SEM1: variants seen among roughly 807,000 people sequenced by gnomAD.
SEM1 encodes the protein SEM1 26S proteasome subunit.
In SEM1, 3 loss-of-function variants were observed where a neutral mutation model predicts 12.7. That is an observed-to-expected ratio of 0.24 (90% confidence interval 0.11 to 0.61). The LOEUF (loss-of-function observed/expected upper bound fraction) is 0.61, where lower values mean the gene tolerates loss of function less well. Ranked by LOEUF, SEM1 falls within the 20% of genes least tolerant of loss-of-function variation. The probability of loss-of-function intolerance (pLI) is 0.88; values close to 1 mark genes in which losing one functional copy is unlikely to be tolerated. For synonymous variants in SEM1, 30 were observed against 27.8 expected, an observed-to-expected ratio of 1.08 and a Z score of -0.25; for missense variants, 59 against 81.3, an observed-to-expected ratio of 0.73 and a Z score of 1.06.
In SEM1 at chr7:96,709,767, G is replaced by A. The variant is rs1246082679; in HGVS notation, c.-4C>T. On this transcript the variant is annotated 5_prime_UTR_variant, in exon 1 of 3. Coordinates refer to ENST00000248566, the MANE Select transcript of SEM1 (RefSeq NM_006304.2). ...CCGGCTGCTTTTTCTCTGACATCTCGACTGTCCGCGCCCAACACCTCCCAG... is the reference window on the plus strand; with the variant it reads ...CCGGCTGCTTTTTCTCTGACATCTCAACTGTCCGCGCCCAACACCTCCCAG... The A allele has an allele frequency of 5.0e-6, 8 of 1,613,700 alleles. No homozygotes were observed. Among genetic ancestry groups the A allele is most frequent in the Non-Finnish European group, 5.9e-6 (7 of 1,179,814 alleles).
intron 2 of SEM1, among the ~76,000 whole-genome samples, chr7:96,661,185 T>G (rs1235264698): frequency 6.6e-6 from 1 of 152,166 alleles, no homozygotes; most frequent in Admixed American, 6.5e-5. Flanking sequence ...ACCCAGGTAG[T>G]CTGGTGCCAG....
chr7:96,545,239 T>C (rs1288991465), intron 2 of SEM1, among the ~76,000 whole-genome samples: 2 of 152,048 alleles, frequency 1.3e-5, no homozygotes, highest in East Asian at 1.9e-4. Context: ...TGCTATTCTT[T>C]CTTTGAACTG....
At chr7:96,577,069 AT>A (rs1262489226) in intron 2 of SEM1, among the ~76,000 whole-genome samples, 2 of 152,010 alleles carry the variant, frequency 1.3e-5, no homozygotes, top group African/African-American at 2.4e-5. Context: ...GTGAGCTGAG[AT>A]TGCACCACTG....
chr7:96,609,449 G>A (rs1263788721), intron 2 of SEM1, among the ~76,000 whole-genome samples: 2 of 152,174 alleles, frequency 1.3e-5, no homozygotes, highest in Admixed American at 1.3e-4. Flanking sequence ...TCACTTGGAT[G>A]TTAAAATGTA....
chr7:96,588,393 C>G (rs56137110), intron 2 of SEM1, among the ~76,000 whole-genome samples: 459 of 64,480 alleles, frequency 7.1e-3, no homozygotes, highest in African/African-American at 0.021. Context: ...CACACACACA[C>G]ACACGAGAGA....
intron 2 of SEM1, among the ~76,000 whole-genome samples, chr7:96,534,673 G>T (rs923927698): frequency 3.3e-5 from 5 of 152,028 alleles, no homozygotes; most frequent in African/African-American, 1.2e-4. Flanking sequence ...CAATGTGAGA[G>T]GCTGGATCTT....
rs1563072643 is a variant in SEM1 at position 96,585,333 on chromosome 7, C to T, written c.171-78635G>A. On this transcript the variant is annotated intron_variant and NMD_transcript_variant, in intron 2 of 3. Coordinates refer to the SEM1 transcript ENST00000466986. ...GGAGGCAGTCTGCCTGTTCTCAGAT[C>T]CCAGCTTCGTGCTGGGAGAACCACT... 2.6e-5 allele frequency among the ~76,000 whole-genome samples: 4 copies of T among 152,280 alleles called. No individual in the cohort carries two copies. The East Asian group carries it at 7.7e-4, about 29-fold the overall frequency.
chr7:96,484,252 C>T (rs928575684), intron 3 of SEM1, among the ~76,000 whole-genome samples: 1 of 152,146 alleles, frequency 6.6e-6, no homozygotes, highest in African/African-American at 2.4e-5. Flanking sequence ...TGAGTACATT[C>T]TCCTTCCTGC....
chr7:96,500,132 C>T (rs1803463702), upstream of SEM1, among the ~76,000 whole-genome samples: 1 of 152,164 alleles, frequency 6.6e-6, no homozygotes, highest in South Asian at 2.1e-4. Context: ...TTTAAGAACC[C>T]TTTCCATAGA....
chr7:96,556,963 T>C (rs1805525836), intron 2 of SEM1, among the ~76,000 whole-genome samples: 2 of 150,156 alleles, frequency 1.3e-5, no homozygotes, highest in Middle Eastern at 3.2e-3. Context: ...GCTGATACCC[T>C]TTCTTCCAGT....
downstream of SEM1, chr7:96,621,802 T>C (rs548873236): frequency 6.6e-6 from 1 of 152,376 alleles, no homozygotes; most frequent in South Asian, 2.1e-4. Flanking sequence ...TTTTAAAACT[T>C]ATTCTCCATG....
chr7:96,552,937 G>A (rs1805336143), intron 2 of SEM1, among the ~76,000 whole-genome samples: 1 of 150,612 alleles, frequency 6.6e-6, no homozygotes, highest in African/African-American at 2.4e-5. Flanking sequence ...GCATTTCTCT[G>A]ATGGCCAGTG....
intron 2 of SEM1, among the ~76,000 whole-genome samples, chr7:96,521,677 C>G (rs1804275546): frequency 6.6e-6 from 1 of 152,096 alleles, no homozygotes; most frequent in Admixed American, 6.6e-5. Context: ...CTTTCCCAAC[C>G]CACACTGAAT....
chr7:96,485,536 C>CTTTTTTTTTTTTTTT (rs61088450), intron 2 of SEM1, among the ~76,000 whole-genome samples: 2 of 76,704 alleles, frequency 2.6e-5, no homozygotes, highest in African/African-American at 5.3e-5. Context: ...TCTCTACATT[C>CTTTTTTTTTTTTTTT]TTTTTTTTTT....
At chr7:96,507,664 T>G (rs1305349141) in intron 2 of SEM1, among the ~76,000 whole-genome samples, 1 of 152,158 alleles carries the variant, frequency 6.6e-6, no homozygotes, top group Non-Finnish European at 1.5e-5. Flanking sequence ...ATTTACCTTC[T>G]TCATTCCCTA....
intron 2 of SEM1, among the ~76,000 whole-genome samples, chr7:96,589,743 G>A (rs1487276353): frequency 6.6e-6 from 1 of 152,178 alleles, no homozygotes; most frequent in Admixed American, 6.5e-5. Context: ...TGAGGTATTT[G>A]TTTCCTAATA....
chr7:96,598,409 TC>T (rs35910742), intron 2 of SEM1, among the ~76,000 whole-genome samples: 1 of 148,198 alleles, frequency 6.7e-6, no homozygotes, highest in African/African-American at 2.5e-5. Flanking sequence ...TTTTTTTTTT[TC>T]CCCCAAATAG....
chr7:96,560,433 T>C (rs536546736), intron 2 of SEM1, among the ~76,000 whole-genome samples: 2 of 152,294 alleles, frequency 1.3e-5, no homozygotes, highest in Non-Finnish European at 2.9e-5. Flanking sequence ...CCATCTAAAT[T>C]TCTTTAGTAA....
chr7:96,586,418 T>C (rs1347079126), intron 2 of SEM1, among the ~76,000 whole-genome samples: 1 of 152,190 alleles, frequency 6.6e-6, no homozygotes, highest in East Asian at 1.9e-4. Context: ...ATATTACCTG[T>C]CAGTTCGTTC....
Sources: allele counts gnomAD v4.1 joint callset (sites outside exome capture counted in the v4.1 genomes callset), GRCh38; gene constraint gnomAD v4.1.1; transcripts MANE v1.5; gene names NCBI Gene and HGNC (gene_info 2026-07-23, HGNC 2026-07-21).